Variants in KCNIP4 observed in about 807,000 individuals in gnomAD.
KCNIP4 encodes potassium voltage-gated channel interacting protein 4, also known as Kv channel-interacting protein 4.
Under a neutral mutation model 34.0 loss-of-function variants are expected in KCNIP4, and 12 were observed. The ratio of observed to expected loss-of-function variants is 0.35; its 90% confidence interval spans 0.23 to 0.57. KCNIP4 has a LOEUF of 0.57. Ranked by LOEUF, KCNIP4 falls within the 20% of genes least tolerant of loss-of-function variation. KCNIP4 has a pLI of 0.83. For missense variants in KCNIP4, 238 were observed against 311.7 expected, an observed-to-expected ratio of 0.76 and a Z score of 1.78; for synonymous variants, 124 against 102.2, an observed-to-expected ratio of 1.21 and a Z score of -1.29.
chr4:21,103,395 T>C (rs1452573873), intron 1 of KCNIP4, among the ~76,000 whole-genome samples: 2 of 147,148 alleles, frequency 1.4e-5, no homozygotes, highest in Non-Finnish European at 3.0e-5. Flanking sequence ...TATATATATC[T>C]CCAATATCTA....
intron 1 of KCNIP4, among the ~76,000 whole-genome samples, chr4:21,075,057 A>G (rs1476606958): frequency 1.3e-5 from 2 of 152,154 alleles, no homozygotes; most frequent in Non-Finnish European, 2.9e-5. Context: ...TTTACTTCCA[A>G]CTATGTGGTC....
At chr4:21,465,376 A>G (rs1729829878) in intron 1 of KCNIP4, among the ~76,000 whole-genome samples, 1 of 152,124 alleles carries the variant, frequency 6.6e-6, no homozygotes, top group African/African-American at 2.4e-5. Flanking sequence ...CTTTCTGTCC[A>G]CAGGATTCTC....
Position 21,056,921 on chromosome 4 carries a change from C to T in KCNIP4, c.62-174212G>A, listed in dbSNP as rs1015553780. 6.6e-5 allele frequency among the ~76,000 whole-genome samples: 10 copies of T among 152,228 alleles called. No individual in the cohort carries two copies. In the East Asian group the frequency reaches 1.9e-3, roughly 29 times the overall value. Reference sequence around the variant, plus strand: ...CCTTATGAGAAGAGAACAGAGCAGGCTCTCTCTCAGCCTAAGGTCTGACTG... The same window carrying T: ...CCTTATGAGAAGAGAACAGAGCAGGTTCTCTCTCAGCCTAAGGTCTGACTG... On this transcript the variant is annotated intron_variant, in intron 1 of 8. Coordinates refer to ENST00000382152, the MANE Select transcript of KCNIP4 (RefSeq NM_025221.6).
intron 1 of KCNIP4, among the ~76,000 whole-genome samples, chr4:21,362,042 C>G (rs1000963401): frequency 6.6e-6 from 1 of 151,976 alleles, no homozygotes; most frequent in Non-Finnish European, 1.5e-5. Context: ...CTGGGGTAAG[C>G]AAGACAGTAC....
chr4:21,148,150 G>C (rs1025083854), intron 1 of KCNIP4, among the ~76,000 whole-genome samples: 5 of 152,110 alleles, frequency 3.3e-5, no homozygotes, highest in African/African-American at 1.2e-4. Context: ...TTGATGTAAT[G>C]ATTTTCGCTC....
intron 1 of KCNIP4, among the ~76,000 whole-genome samples, chr4:21,102,206 T>C (rs964357129): frequency 2.6e-5 from 4 of 152,226 alleles, no homozygotes; most frequent in Non-Finnish European, 5.9e-5. Context: ...GTTTTAGCTA[T>C]ACATCATTAT....
chr4:21,023,157 GCAATATAAAA>G (rs1740224261), intron 1 of KCNIP4, among the ~76,000 whole-genome samples: 1 of 151,964 alleles, frequency 6.6e-6, no homozygotes, highest in African/African-American at 2.4e-5. Flanking sequence ...CTCAGGAAAG[GCAATATAAAA>G]CAATGAAGAC....
intron 5 of KCNIP4, among the ~76,000 whole-genome samples, chr4:20,741,023 T>C (rs1038683934): frequency 1.1e-4 from 16 of 152,310 alleles, no homozygotes; most frequent in Admixed American, 5.2e-4. Flanking sequence ...AAGAGCTAAC[T>C]ATCCTAAATA....
intron 1 of KCNIP4, among the ~76,000 whole-genome samples, chr4:21,252,946 G>C (rs1254234509): frequency 2.0e-5 from 3 of 152,048 alleles, no homozygotes; most frequent in Admixed American, 2.0e-4. Flanking sequence ...TATGAGATGA[G>C]AATAATACTT....
At chr4:21,853,960 G>A (rs989197507) in intron 1 of KCNIP4, among the ~76,000 whole-genome samples, 8 of 152,110 alleles carry the variant, frequency 5.3e-5, no homozygotes, top group African/African-American at 7.2e-5. Context: ...GCCTTGAGAC[G>A]ATAGAAGAAC....
At chr4:21,071,331 G>C (rs1321783652) in intron 1 of KCNIP4, among the ~76,000 whole-genome samples, 5 of 152,130 alleles carry the variant, frequency 3.3e-5, no homozygotes, top group Admixed American at 3.3e-4. Context: ...GATTTCTCAA[G>C]CATGTTTTGA....
chr4:21,263,729 C>T (rs1489065464), intron 1 of KCNIP4, among the ~76,000 whole-genome samples: 1 of 152,112 alleles, frequency 6.6e-6, no homozygotes, highest in Non-Finnish European at 1.5e-5. Flanking sequence ...GTGATCGTAG[C>T]TCACTATGGA....
rs556851125 is a variant in KCNIP4, at chr4:21,229,565, T to C, written c.62-346856A>G. Among the ~76,000 whole-genome samples the C allele has an allele frequency of 2.6e-5, 4 of 152,276 alleles. No individual in the cohort carries two copies. In the East Asian group the frequency reaches 5.8e-4, roughly 22 times the overall value. On this transcript the variant is annotated intron_variant, in intron 1 of 8. Coordinates refer to ENST00000382152, the MANE Select transcript of KCNIP4 (RefSeq NM_025221.6). Reference sequence around the variant, plus strand: ...CAACCTTATAAGAACTTATCATCTATTGGGAGAAATCGGATAACAAACATA... The same window carrying C: ...CAACCTTATAAGAACTTATCATCTACTGGGAGAAATCGGATAACAAACATA...
chr4:21,572,625 T>A (rs927054073), intron 1 of KCNIP4, among the ~76,000 whole-genome samples: 2 of 151,116 alleles, frequency 1.3e-5, no homozygotes, highest in Non-Finnish European at 2.9e-5. Flanking sequence ...TCCACAAAGA[T>A]CTCTCATCTT....
intron 1 of KCNIP4, among the ~76,000 whole-genome samples, chr4:21,467,196 T>C (rs1157305832): frequency 6.6e-6 from 1 of 152,008 alleles, no homozygotes; most frequent in Non-Finnish European, 1.5e-5. Context: ...TTCTTAAGGA[T>C]TGTTAACTTC....
At chr4:21,863,691 A>G (rs1171747112) in intron 1 of KCNIP4, among the ~76,000 whole-genome samples, 1 of 152,188 alleles carries the variant, frequency 6.6e-6, no homozygotes, top group Non-Finnish European at 1.5e-5. Flanking sequence ...AACAAAAAGT[A>G]GAAAGGAGAA....
chr4:21,627,588 TAAGAGGAA>T (rs1012464856), intron 1 of KCNIP4, among the ~76,000 whole-genome samples: 7 of 152,138 alleles, frequency 4.6e-5, no homozygotes, highest in African/African-American at 7.2e-5. Flanking sequence ...ATTATTAACC[TAAGAGGAA>T]AAGAGGAAAA....
intron 1 of KCNIP4, among the ~76,000 whole-genome samples, chr4:21,261,379 T>C (rs1320811420): frequency 6.6e-6 from 1 of 152,120 alleles, no homozygotes; most frequent in Admixed American, 6.6e-5. Context: ...TCATACAGAG[T>C]ATTAGAATGG....
intron 1 of KCNIP4, among the ~76,000 whole-genome samples, chr4:21,641,950 T>C (rs1746645613): frequency 6.6e-6 from 1 of 152,096 alleles, no homozygotes; most frequent in African/African-American, 2.4e-5. Flanking sequence ...TGGTGGCAGG[T>C]TGATTACATT....
Sources: gnomAD v4.1 joint callset for allele counts (sites outside exome capture counted in the v4.1 genomes callset) on GRCh38, gnomAD v4.1.1 for gene constraint, MANE v1.5 for transcripts, NCBI Gene and HGNC (gene_info 2026-07-23, HGNC 2026-07-21) for gene names.